Variants in ABTB3 observed in about 807,000 individuals in gnomAD.
The protein encoded by ABTB3 is ankyrin repeat- and BTB/POZ domain-containing protein 3.
chr12:107,620,152 G>A, the ABTB3 span: 1 of 1,614,130 alleles, frequency 6.2e-7, no homozygotes, highest in Non-Finnish European at 8.5e-7. Context: ...TTGAGATCCT[G>A]AAAGCGAGCA....
At chr12:107,425,828 C>T in the ABTB3 span, among the ~76,000 whole-genome samples, 1 of 152,230 alleles carries the variant, frequency 6.6e-6, no homozygotes, top group African/African-American at 2.4e-5. Flanking sequence ...CAGTTGGTGC[C>T]AATCCTCCCC....
the ABTB3 span, among the ~76,000 whole-genome samples, chr12:107,540,555 A>T: frequency 6.6e-6 from 1 of 152,184 alleles, no homozygotes; most frequent in Non-Finnish European, 1.5e-5. Flanking sequence ...CCTTGCTGCC[A>T]TCTGCACAAG....
chr12:107,601,510 C>T, the ABTB3 span, among the ~76,000 whole-genome samples: 1 of 152,162 alleles, frequency 6.6e-6, no homozygotes, highest in East Asian at 1.9e-4. Flanking sequence ...TACAGGATCC[C>T]AGAGTCATAG....
chr12:107,423,128 C>G, the ABTB3 span, among the ~76,000 whole-genome samples: 4 of 152,140 alleles, frequency 2.6e-5, no homozygotes, highest in African/African-American at 9.7e-5. Flanking sequence ...GTCCCTTCCC[C>G]CCTAAAGTTG....
the ABTB3 span, among the ~76,000 whole-genome samples, chr12:107,414,193 A>G: frequency 6.6e-6 from 1 of 152,238 alleles, no homozygotes; most frequent in East Asian, 1.9e-4. Context: ...TAATGGTTCC[A>G]ATACTTTTTC....
At chr12:107,467,613 TAC>T in the ABTB3 span, among the ~76,000 whole-genome samples, 3 of 151,820 alleles carry the variant, frequency 2.0e-5, no homozygotes, top group Admixed American at 6.6e-5. Context: ...CATGCACTCA[TAC>T]ACACACACAC....
the ABTB3 span, among the ~76,000 whole-genome samples, chr12:107,351,302 C>A: frequency 6.6e-6 from 1 of 152,116 alleles, no homozygotes; most frequent in African/African-American, 2.4e-5. Flanking sequence ...TATGAGTAGC[C>A]CCAGGTCTTC....
chr12:107,390,612 CAGGTAAACAGG>C, the ABTB3 span, among the ~76,000 whole-genome samples: 5 of 152,162 alleles, frequency 3.3e-5, no homozygotes, highest in Non-Finnish European at 7.4e-5. Flanking sequence ...AGGGATAAGA[CAGGTAAACAGG>C]AAAAGATAAA....
chr12:107,480,118 A>T, the ABTB3 span, among the ~76,000 whole-genome samples: 1 of 152,216 alleles, frequency 6.6e-6, no homozygotes, highest in Non-Finnish European at 1.5e-5. Context: ...GGACAGTAGG[A>T]TAGGGAAAGG....
At chr12:107,626,372 G>T in the ABTB3 span, among the ~76,000 whole-genome samples, 1 of 120,830 alleles carries the variant, frequency 8.3e-6, no homozygotes, top group Non-Finnish European at 1.6e-5. Flanking sequence ...TTGAGATAGA[G>T]TCTCACTCTG....
At chr12:107,410,226 TAAA>T in the ABTB3 span, among the ~76,000 whole-genome samples, 1 of 122,248 alleles carries the variant, frequency 8.2e-6, no homozygotes, top group African/African-American at 3.1e-5. Context: ...TCAGAATTGT[TAAA>T]AAAAAAAAAA....
the ABTB3 span, among the ~76,000 whole-genome samples, chr12:107,450,824 A>G: frequency 9.2e-3 from 1,394 of 151,992 alleles, 19 homozygotes; most frequent in Non-Finnish European, 0.011. Context: ...GGGAGGAAAA[A>G]CACTTGTTCT....
the ABTB3 span, among the ~76,000 whole-genome samples, chr12:107,372,721 T>C: frequency 6.6e-6 from 1 of 152,180 alleles, no homozygotes; most frequent in Non-Finnish European, 1.5e-5. Context: ...CGGGCTTTTC[T>C]CAAATGTCCC....
the ABTB3 span, chr12:107,319,286 G>A: frequency 6.5e-7 from 1 of 1,545,042 alleles, no homozygotes; most frequent in East Asian, 2.4e-5. Context: ...GGATCCCCGG[G>A]CAGGCCCGGC....
the ABTB3 span, among the ~76,000 whole-genome samples, chr12:107,444,995 C>T: frequency 3.9e-5 from 6 of 152,176 alleles, no homozygotes; most frequent in African/African-American, 2.4e-5. Context: ...CTGGCTGAGG[C>T]AGGGCTGCAG....
At chr12:107,384,020 G>A in the ABTB3 span, among the ~76,000 whole-genome samples, 4 of 152,084 alleles carry the variant, frequency 2.6e-5, no homozygotes, top group South Asian at 2.1e-4. Context: ...ATGAGCATCC[G>A]GCCCAGGTGT....
chr12:107,371,081 C>A, the ABTB3 span, among the ~76,000 whole-genome samples: 3 of 152,006 alleles, frequency 2.0e-5, no homozygotes, highest in Admixed American at 6.6e-5. Flanking sequence ...AACATGCTTC[C>A]CTTCCCCCCA....
the ABTB3 span, among the ~76,000 whole-genome samples, chr12:107,507,943 A>G: frequency 6.6e-6 from 1 of 152,160 alleles, no homozygotes; most frequent in African/African-American, 2.4e-5. Context: ...TACCTGTAAC[A>G]CTCATGAACA....
At chr12:107,624,196 T>G in the ABTB3 span, among the ~76,000 whole-genome samples, 2,700 of 142,760 alleles carry the variant, frequency 0.019, 72 homozygotes, top group African/African-American at 0.062. Context: ...ATCGGTGGGG[T>G]TTTTTTTTTT....
Sources: gnomAD v4.1 joint callset for allele counts (sites outside exome capture counted in the v4.1 genomes callset) on GRCh38, gnomAD v4.1.1 for gene constraint, MANE v1.5 for transcripts, NCBI Gene and HGNC (gene_info 2026-07-23, HGNC 2026-07-21) for gene names.